Variants in DGKZ observed in about 807,000 individuals in gnomAD.
DGKZ encodes diacylglycerol kinase zeta.
Under a neutral mutation model 142.5 loss-of-function variants are expected in DGKZ, and 45 were observed. That is an observed-to-expected ratio of 0.32 (90% CI 0.25 to 0.40). The LOEUF is 0.40. Ranked by LOEUF, DGKZ falls within the 10% of genes least tolerant of loss-of-function variation. The pLI is 1.00. For missense variants in DGKZ, 755 were observed against 1,306.5 expected (o/e 0.58, Z 6.51); for synonymous variants, 442 against 527.0 (o/e 0.84, Z 2.21).
At chr11:46,377,303 C>G (rs1944662761) in intron 25 of DGKZ, 91 bp downstream of exon 25, 3 of 1,464,550 alleles carry the variant, frequency 2.0e-6, no homozygotes, top group Non-Finnish European at 2.7e-6. Flanking sequence ...AGCCCCTCCA[C>G]CAGTTAACTA....
intron 20 of DGKZ, 80 bp from the exon 21 acceptor site, chr11:46,375,771 C>T (rs925461805): frequency 3.5e-5 from 54 of 1,522,248 alleles, no homozygotes; most frequent in Admixed American, 1.2e-4. Flanking sequence ...CTTCTCTCGG[C>T]AAGTGGTTTG....
chr11:46,345,549 A>T, upstream of DGKZ: 1 of 1,528,300 alleles, frequency 6.5e-7, no homozygotes, highest in African/African-American at 1.4e-5. This position sits in a 1 kb window ranked among gnomAD's most constrained non-coding sequence, Gnocchi z 4.1. Flanking sequence ...CGCTCCTGGG[A>T]CGTGCCACAG....
At chr11:46,368,595 T>C in intron 4 of DGKZ, 1 of 265,190 alleles carries the variant, frequency 3.8e-6, no homozygotes. Context: ...CTTCCCAGCC[T>C]GCAGAAACCC....
chr11:46,345,563 C>G (rs890727175), upstream of DGKZ: 3 of 1,527,300 alleles, frequency 2.0e-6, no homozygotes, highest in Non-Finnish European at 2.6e-6. This position sits in a 1 kb window ranked among gnomAD's most constrained non-coding sequence, Gnocchi z 4.1. Flanking sequence ...GCCACAGATC[C>G]CATCAGAGGC....
intron 9 of DGKZ, 80 bp downstream of exon 9, chr11:46,371,855 A>C: frequency 6.6e-7 from 1 of 1,505,932 alleles, no homozygotes; most frequent in Non-Finnish European, 9.1e-7. Context: ...TTCCACCCCC[A>C]GCTAATGCTG....
Position 46,374,750 on chromosome 11 carries a change from C to G in DGKZ, c.1525-16C>G. 1 of 1,612,566 alleles carries G rather than the reference C, an allele frequency of 6.2e-7. No individual in the cohort carries two copies. Among genetic ancestry groups the G allele is most frequent in the African/African-American group, 1.3e-5 (1 of 75,026 alleles). On this transcript the variant is annotated splice_polypyrimidine_tract_variant and intron_variant, in intron 17 of 30. Transcript: ENST00000527911. Reference sequence around the variant, plus strand: ...CCTGGCACATGCACCTCAACACCCTCCCCGCCCGCCTCCAGTGTGATGGAA... The same window carrying G: ...CCTGGCACATGCACCTCAACACCCTGCCCGCCCGCCTCCAGTGTGATGGAA...
chr11:46,360,256 G>C (rs1038277534), intron 1 of DGKZ, among the ~76,000 whole-genome samples: 1 of 151,990 alleles, frequency 6.6e-6, no homozygotes, highest in Non-Finnish European at 1.5e-5. Flanking sequence ...TTATATTAAC[G>C]TAATGGGCTT....
Position 46,367,951 on chromosome 11 carries a change from C to T in DGKZ, c.367-51C>T, listed in dbSNP as rs1943510746. On this transcript the variant is annotated intron_variant, in intron 3 of 30. Transcript: ENST00000527911. This position sits in a 1 kb window ranked among gnomAD's most constrained non-coding sequence, Gnocchi z 4.1. ...GCAGCTGTGCTGGGGCAGGCAGCCT[C>T]CGAGATAGACTTACCTGGTGCCTCA... is the stretch of plus-strand genomic sequence containing the variant. 2 of 1,603,666 alleles carry T rather than the reference C, an allele frequency of 1.2e-6. No homozygotes were observed. Among genetic ancestry groups the T allele is most frequent in the East Asian group, 2.2e-5 (1 of 44,836 alleles).
intron 1 of DGKZ, among the ~76,000 whole-genome samples, chr11:46,335,429 A>ACG (rs747111152): frequency 1.7e-5 from 2 of 119,462 alleles, no homozygotes; most frequent in Non-Finnish European, 3.1e-5. Flanking sequence ...ACGTGCACGC[A>ACG]CACACACACA....
At chr11:46,374,475 C>T (rs751883705) in intron 16 of DGKZ, 21 bp downstream of exon 16, 30 of 1,613,806 alleles carry the variant, frequency 1.9e-5, no homozygotes, top group Non-Finnish European at 2.3e-5. Context: ...TCTGCACCCC[C>T]GCCTGTGCCC....
At chr11:46,366,147 C>T (rs1343769964) in intron 1 of DGKZ, 15 of 1,403,230 alleles carry the variant, frequency 1.1e-5, no homozygotes, top group African/African-American at 1.5e-5. Flanking sequence ...TGGTTGCTTC[C>T]CTTCTCATGG....
chr11:46,344,066 C>G (rs79697197), upstream of DGKZ, among the ~76,000 whole-genome samples: 15,896 of 152,034 alleles, frequency 0.1, 2,781 homozygotes, highest in African/African-American at 0.36. Flanking sequence ...TCTCCTGCCT[C>G]AGCCTCCAGA....
chr11:46,347,371 G>A (rs1940747154), upstream of DGKZ: 6 of 984,222 alleles, frequency 6.1e-6, no homozygotes, highest in Non-Finnish European at 7.2e-6. The surrounding 1 kb of genome is among the most constrained non-coding windows in gnomAD (Gnocchi z 6.4). Context: ...GGCGCTGCGG[G>A]CCCGGTGCCA....
intron 14 of DGKZ, among the ~76,000 whole-genome samples, chr11:46,373,499 T>G (rs1433669305): frequency 1.4e-5 from 2 of 139,038 alleles, no homozygotes; most frequent in African/African-American, 6.0e-5. Flanking sequence ...TTTTTTTTTG[T>G]TTTTGTTTTT....
chr11:46,375,098 G>C, intron 19 of DGKZ, 53 bp downstream of exon 19: 1 of 1,485,410 alleles, frequency 6.7e-7, no homozygotes. Flanking sequence ...AAGGTGGAAG[G>C]GGTCACCCAT....
Position 46,372,348 on chromosome 11 carries a change from C to T in DGKZ, c.928-80C>T. Reference sequence around the variant, plus strand: ...CACCCCTTATTGGCCCTGGTTCCCACAGTCACACCCCTCTCCCTCTGCTGC... The same window carrying T: ...CACCCCTTATTGGCCCTGGTTCCCATAGTCACACCCCTCTCCCTCTGCTGC... On this transcript the variant is annotated intron_variant, in intron 10 of 30. Coordinates refer to ENST00000527911, the Ensembl canonical transcript of DGKZ. This position sits in a 1 kb window ranked among gnomAD's most constrained non-coding sequence, Gnocchi z 5.9. 2 of 1,505,598 alleles carry T rather than the reference C, an allele frequency of 1.3e-6. No homozygotes were observed. Among genetic ancestry groups the T allele is most frequent in the South Asian group, 1.1e-5 (1 of 87,362 alleles). 93.3% of individuals were successfully genotyped at this position (1,505,598 alleles called of 1,614,324 possible).
chr11:46,333,562 T>TA, intron 1 of DGKZ: 1 of 1,345,878 alleles, frequency 7.4e-7, no homozygotes, highest in Non-Finnish European at 1.0e-6. Context: ...CACAAACGTT[T>TA]ATTGTGCGCC....
chr11:46,372,024 T>C lies in DGKZ; in HGVS notation c.832-51T>C, dbSNP rs3740977. On this transcript the variant is annotated intron_variant, in intron 9 of 30. Coordinates refer to ENST00000527911, the Ensembl canonical transcript of DGKZ. This position sits in a 1 kb window ranked among gnomAD's most constrained non-coding sequence, Gnocchi z 5.9. Reference sequence around the variant, plus strand: ...CCAGGGGGCCTGCTAAGGATGATGGTAGGGTGTCCTGGACGGGAAGGAGCT... The same window carrying C: ...CCAGGGGGCCTGCTAAGGATGATGGCAGGGTGTCCTGGACGGGAAGGAGCT... The C allele has an allele frequency of 0.16, 242,735 of 1,522,108 alleles. 20,300 individuals are homozygous for C. The highest frequency in any genetic ancestry group is 0.2 in the Middle Eastern group (988 of 4,938). 94.3% of individuals were successfully genotyped at this position (1,522,108 alleles called of 1,614,324 possible). A position where few individuals can be genotyped will look rare whatever the true frequency, so the allele number is the denominator to read the frequency against.
intron 1 of DGKZ, among the ~76,000 whole-genome samples, chr11:46,355,993 G>A (rs1386946295): frequency 1.3e-4 from 20 of 152,174 alleles, no homozygotes; most frequent in Admixed American, 1.0e-3. Context: ...TGATCTGCCC[G>A]CCTCAGCCTC....
Sources: gnomAD v4.1 joint callset for allele counts (sites outside exome capture counted in the v4.1 genomes callset) on GRCh38, gnomAD v4.1.1 for gene constraint, Gnocchi (gnomAD v3.1) non-coding constraint, MANE v1.5 for transcripts, NCBI Gene and HGNC (gene_info 2026-07-23, HGNC 2026-07-21) for gene names.